Variants in SAMSN1 observed in about 807,000 individuals in gnomAD.
SAMSN1 encodes the protein SAM domain-containing protein SAMSN-1.
Under a neutral mutation model 42.0 loss-of-function variants are expected in SAMSN1, and 31 were observed. That is an observed-to-expected ratio of 0.74 (90% CI 0.55 to 1.00). SAMSN1 has a LOEUF of 1.00. Ranked by LOEUF, SAMSN1 falls within the 50% of genes least tolerant of loss-of-function variation. The pLI is 0.00. For synonymous variants in SAMSN1, 178 were observed against 151.9 expected, an observed-to-expected ratio of 1.17 and a Z score of -1.26; for missense variants, 464 against 439.4, an observed-to-expected ratio of 1.06 and a Z score of -0.50.
At chr21:14,581,483 C>T (rs543687870) in intron 2 of SAMSN1, among the ~76,000 whole-genome samples, 2 of 148,692 alleles carry the variant, frequency 1.3e-5, no homozygotes, top group Admixed American at 6.8e-5. Context: ...CTCAGCCTCC[C>T]GAGTAGCTGG....
At chr21:14,642,798 G>A (rs1383508387) in intron 2 of SAMSN1, among the ~76,000 whole-genome samples, 11 of 152,030 alleles carry the variant, frequency 7.2e-5, no homozygotes, top group Admixed American at 6.5e-4. Flanking sequence ...TAATCATCTA[G>A]TGCACATTCA....
chr21:14,582,339 T>A (rs2822787), exon 2 of SAMSN1: 2 of 1,550,234 alleles, frequency 1.3e-6, no homozygotes, highest in Non-Finnish European at 1.7e-6. Context: ...AAGTTGCAGT[T>A]ATTTAAAGTG....
chr21:14,608,227 T>A (rs1183237269), intron 5 of SAMSN1, among the ~76,000 whole-genome samples: 2 of 152,318 alleles, frequency 1.3e-5, no homozygotes, highest in East Asian at 3.9e-4. Flanking sequence ...GAAAGGTGGT[T>A]TTGGATTGCT....
intron 5 of SAMSN1, among the ~76,000 whole-genome samples, chr21:14,507,071 C>A (rs1047631198): frequency 6.6e-6 from 1 of 152,116 alleles, no homozygotes; most frequent in African/African-American, 2.4e-5. Context: ...TATGACAAAC[C>A]CACAGTCAAC....
In SAMSN1 at chr21:14,633,920, T is replaced by C. The variant is rs142207857; in HGVS notation, c.156+9082A>G. Among the ~76,000 whole-genome samples the C allele has an allele frequency of 6.2e-3, 947 of 152,322 alleles. 6 individuals are homozygous for C. Among genetic ancestry groups the C allele is most frequent in the Middle Eastern group, 0.014 (4 of 294 alleles). On this transcript the variant is annotated intron_variant, in intron 2 of 15. Transcript: ENST00000647101. ...TTGTCTTTAAAACTATGCTTGAATC[T>C]GCTATATTACTTTCTCATTAATATC...
intron 5 of SAMSN1, 113 bp downstream of exon 5, chr21:14,510,197 C>G: frequency 2.0e-6 from 2 of 1,001,676 alleles, no homozygotes; most frequent in Non-Finnish European, 3.1e-6. Context: ...TCCACTTCTA[C>G]TGTTGGGAAG....
At chr21:14,604,439 G>A (rs904596160) in intron 5 of SAMSN1, among the ~76,000 whole-genome samples, 10 of 152,118 alleles carry the variant, frequency 6.6e-5, no homozygotes, top group Admixed American at 2.0e-4. Context: ...TGTATAAGCC[G>A]GGGGCAGTGG....
rs146370640 is a variant in SAMSN1 at position 14,635,035 on chromosome 21, C to G, written c.156+7967G>C. ...AATGAGATCATGTCCTTTGCAGGGA[C>G]ATGGGTGAAGCTGGAAGCCATTATC... On this transcript the variant is annotated intron_variant, in intron 2 of 15. Coordinates refer to the SAMSN1 transcript ENST00000647101. Among the ~76,000 whole-genome samples the G allele has an allele frequency of 3.4e-3, 525 of 152,234 alleles. 2 individuals carry two copies. The highest frequency in any genetic ancestry group is 0.011 in the African/African-American group (456 of 41,536).
At chr21:14,565,769 C>A (rs1026980676) in intron 2 of SAMSN1, among the ~76,000 whole-genome samples, 16 of 152,244 alleles carry the variant, frequency 1.1e-4, no homozygotes, top group African/African-American at 3.4e-4. Flanking sequence ...TTCCGTTATA[C>A]CATGCTACAT....
At chr21:14,596,593 G>A (rs958727484) in intron 6 of SAMSN1, among the ~76,000 whole-genome samples, 1 of 152,112 alleles carries the variant, frequency 6.6e-6, no homozygotes, top group Non-Finnish European at 1.5e-5. Flanking sequence ...AGGAATTGTG[G>A]CCTCTTCTTG....
chr21:14,633,750 A>G (rs1169913714), intron 2 of SAMSN1, among the ~76,000 whole-genome samples: 1 of 152,192 alleles, frequency 6.6e-6, no homozygotes, highest in African/African-American at 2.4e-5. Flanking sequence ...AATAGCGTGC[A>G]TATCCAAGTC....
At chr21:14,616,746 G>T (rs1982846625) in intron 2 of SAMSN1, among the ~76,000 whole-genome samples, 1 of 152,118 alleles carries the variant, frequency 6.6e-6, no homozygotes, top group African/African-American at 2.4e-5. Context: ...AGGTTCATTT[G>T]TTTGGCATGG....
At chr21:14,523,314 T>C (rs1483458966) in intron 1 of SAMSN1, 1 of 152,234 alleles carries the variant, frequency 6.6e-6, no homozygotes, top group Non-Finnish European at 1.5e-5. Flanking sequence ...ATACAGAATA[T>C]TGCCCCAAGG....
At chr21:14,499,491 C>CA (rs11301197) in intron 6 of SAMSN1, among the ~76,000 whole-genome samples, 2,276 of 133,794 alleles carry the variant, frequency 0.017, 17 homozygotes, top group Non-Finnish European at 0.02. Flanking sequence ...CCCTTTTTAA[C>CA]AAAAAAAAAA....
At chr21:14,502,520 A>G (rs770534880) in intron 5 of SAMSN1, among the ~76,000 whole-genome samples, 3 of 152,172 alleles carry the variant, frequency 2.0e-5, no homozygotes, top group East Asian at 1.9e-4. Context: ...TAGTATTTCA[A>G]TTTTCATGGG....
At chr21:14,534,318 A>C (rs906383417) in intron 1 of SAMSN1, among the ~76,000 whole-genome samples, 2 of 152,206 alleles carry the variant, frequency 1.3e-5, no homozygotes, top group Non-Finnish European at 2.9e-5. Flanking sequence ...AGGTAGACCG[A>C]GTTCAATCCC....
rs367656923 is a variant in SAMSN1, at chr21:14,625,859, C to T, written c.157-9843G>A. On this transcript the variant is annotated intron_variant, in intron 2 of 15. Transcript: ENST00000647101. ...CAAAAGAACAAAGCTGGAGGCATCA[C>T]GCTACCTGACTTCAAACTATACTAC... Among the ~76,000 whole-genome samples, 189 of 152,258 alleles carry T rather than the reference C, an allele frequency of 1.2e-3. 2 individuals are homozygous for T. The highest frequency in any genetic ancestry group is 4.1e-3 in the African/African-American group (172 of 41,544).
At position 14,607,171 on chromosome 21, in the gene SAMSN1, A is replaced by G. The variant is rs1389966213; in HGVS notation, c.322+2311T>C. Reference sequence around the variant, plus strand: ...ATCATGTGGGTTGTGGATGACAGCAATGATGTACTTTCCTATCTTTATCTC... The same window carrying G: ...ATCATGTGGGTTGTGGATGACAGCAGTGATGTACTTTCCTATCTTTATCTC... On this transcript the variant is annotated intron_variant, in intron 5 of 15. Coordinates refer to the SAMSN1 transcript ENST00000647101. Among the ~76,000 whole-genome samples, 3 of 152,190 alleles carry G rather than the reference A, an allele frequency of 2.0e-5. No homozygotes were observed. In the East Asian group the frequency reaches 5.8e-4, roughly 29 times the overall value.
At chr21:14,567,853 A>G (rs1981170943) in intron 2 of SAMSN1, among the ~76,000 whole-genome samples, 1 of 152,048 alleles carries the variant, frequency 6.6e-6, no homozygotes, top group African/African-American at 2.4e-5. Flanking sequence ...TCAATTGCCT[A>G]CTTTACAGGA....
Sources: allele counts gnomAD v4.1 joint callset (sites outside exome capture counted in the v4.1 genomes callset), GRCh38; gene constraint gnomAD v4.1.1; transcripts MANE v1.5; gene names NCBI Gene and HGNC (gene_info 2026-07-23, HGNC 2026-07-21).